Variants in SYNPR observed in about 807,000 individuals in gnomAD.
SYNPR encodes synaptoporin.
A neutral mutation model predicts 32.9 loss-of-function variants in SYNPR; 23 were observed. The observed-to-expected ratio is 0.70, with a 90% CI of 0.50 to 0.99. SYNPR has a LOEUF of 0.99. Among genes scored for constraint, SYNPR ranks in the 50% least tolerant of loss-of-function variants. SYNPR has a pLI of 0.00. For missense variants in SYNPR, 318 were observed against 349.3 expected (o/e 0.91, Z 0.71); for synonymous variants, 146 against 135.9 (o/e 1.07, Z -0.52).
intron 2 of SYNPR, among the ~76,000 whole-genome samples, chr3:63,255,436 G>T (rs1008498502): frequency 6.6e-6 from 1 of 152,082 alleles, no homozygotes; most frequent in East Asian, 1.9e-4. Flanking sequence ...TTATGCCAAG[G>T]TACTACACAA....
At chr3:63,237,172 T>G (rs2086206575) in intron 1 of SYNPR, among the ~76,000 whole-genome samples, 1 of 152,198 alleles carries the variant, frequency 6.6e-6, no homozygotes, top group South Asian at 2.1e-4. Context: ...CTTGTTGATA[T>G]GGCAATGTTG....
At chr3:63,551,785 T>G (rs954295040) in intron 3 of SYNPR, among the ~76,000 whole-genome samples, 1 of 152,164 alleles carries the variant, frequency 6.6e-6, no homozygotes, top group Non-Finnish European at 1.5e-5. Context: ...AGAAAACCCA[T>G]CCTTTCTCTC....
intron 2 of SYNPR, among the ~76,000 whole-genome samples, chr3:63,478,879 G>A (rs1301244968): frequency 6.6e-6 from 1 of 152,152 alleles, no homozygotes; most frequent in Non-Finnish European, 1.5e-5. Context: ...GACATCCAGT[G>A]TTGGCTGATG....
intron 2 of SYNPR, among the ~76,000 whole-genome samples, chr3:63,283,621 TTC>T (rs1042668532): frequency 1.9e-5 from 2 of 105,534 alleles, no homozygotes; most frequent in Non-Finnish European, 4.2e-5. Flanking sequence ...CCACAGATAA[TTC>T]TTTTTTTTTT....
intron 2 of SYNPR, among the ~76,000 whole-genome samples, chr3:63,264,226 G>A (rs1020623830): frequency 5.3e-5 from 8 of 152,066 alleles, no homozygotes; most frequent in Admixed American, 1.3e-4. Context: ...CATACATTGA[G>A]AAAAATATAG....
At chr3:63,335,347 C>T (rs11716416) in intron 2 of SYNPR, among the ~76,000 whole-genome samples, 14,528 of 119,762 alleles carry the variant, frequency 0.12, 1,027 homozygotes, top group Middle Eastern at 0.18. Flanking sequence ...AGCGAGACTC[C>T]GTCTCAAAAA....
At chr3:63,372,493 TGCA>T (rs1228382761) in intron 2 of SYNPR, among the ~76,000 whole-genome samples, 4 of 152,234 alleles carry the variant, frequency 2.6e-5, no homozygotes, top group Non-Finnish European at 5.9e-5. Context: ...TCCAGCAAGC[TGCA>T]GTTGTCCTAA....
intron 2 of SYNPR, chr3:63,451,939 C>G (rs2107176674): frequency 3.5e-6 from 2 of 575,054 alleles, no homozygotes; most frequent in Middle Eastern, 2.6e-4. Flanking sequence ...CTCAGCTCAC[C>G]TCTTCACTCT....
chr3:63,245,735 G>A (rs921170104), intron 1 of SYNPR, among the ~76,000 whole-genome samples: 7,142 of 92,514 alleles, frequency 0.077, 143 homozygotes, highest in Middle Eastern at 0.16. Flanking sequence ...GTGTGTGTGT[G>A]TGTGTATGTG....
intron 4 of SYNPR, among the ~76,000 whole-genome samples, chr3:63,570,126 G>C (rs752737235): frequency 3.9e-5 from 6 of 152,148 alleles, no homozygotes; most frequent in Non-Finnish European, 7.3e-5. Context: ...TTGTGTTCCT[G>C]ATTAGAAGAT....
chr3:63,554,152 G>T (rs1423035050), intron 3 of SYNPR, among the ~76,000 whole-genome samples: 7 of 152,162 alleles, frequency 4.6e-5, no homozygotes, highest in Non-Finnish European at 1.5e-5. Flanking sequence ...TACATAATTT[G>T]TGAATATTTT....
chr3:63,256,036 T>A (rs931532048), intron 2 of SYNPR, among the ~76,000 whole-genome samples: 4 of 152,180 alleles, frequency 2.6e-5, no homozygotes, highest in African/African-American at 9.6e-5. Context: ...GCGCCCGCCA[T>A]TGCCAAGGCT....
At chr3:63,489,553 T>C (rs1172281706) in intron 3 of SYNPR, among the ~76,000 whole-genome samples, 1 of 152,200 alleles carries the variant, frequency 6.6e-6, no homozygotes, top group Non-Finnish European at 1.5e-5. Context: ...TTAATTATTC[T>C]TATTAATTTT....
At chr3:63,312,712 C>G (rs1475031653) in intron 2 of SYNPR, among the ~76,000 whole-genome samples, 4 of 151,914 alleles carry the variant, frequency 2.6e-5, no homozygotes, top group Admixed American at 2.0e-4. Flanking sequence ...GGATCCCTGC[C>G]TCTTCCATGG....
At chr3:63,280,725 G>GGTGTGT (rs144039056) in intron 2 of SYNPR, among the ~76,000 whole-genome samples, 1 of 149,896 alleles carries the variant, frequency 6.7e-6, no homozygotes, top group Non-Finnish European at 1.5e-5. Context: ...TTGGGGGAGG[G>GGTGTGT]GTGTGTGTGT....
chr3:63,298,254 T>A (rs2106938385), intron 2 of SYNPR, among the ~76,000 whole-genome samples: 1 of 152,236 alleles, frequency 6.6e-6, no homozygotes, highest in East Asian at 1.9e-4. Context: ...GTCAGTTAGG[T>A]TAGATTTATC....
intron 2 of SYNPR, among the ~76,000 whole-genome samples, chr3:63,288,276 T>G (rs2106927058): frequency 6.6e-6 from 1 of 152,338 alleles, no homozygotes; most frequent in Non-Finnish European, 1.5e-5. Context: ...TTGTCTCTTC[T>G]TTCAGCTGGA....
chr3:63,262,257 G>A (rs950848360), intron 2 of SYNPR, among the ~76,000 whole-genome samples: 5 of 152,132 alleles, frequency 3.3e-5, no homozygotes, highest in African/African-American at 7.2e-5. Context: ...AGAAATAGGT[G>A]GAAAAGCAAA....
chr3:63,302,260 A>T (rs2086865648), intron 2 of SYNPR, among the ~76,000 whole-genome samples: 1 of 152,016 alleles, frequency 6.6e-6, no homozygotes, highest in Admixed American at 6.6e-5. Flanking sequence ...TTGTTTCCCG[A>T]TATAAACTAG....
Sources: allele counts gnomAD v4.1 joint callset (sites outside exome capture counted in the v4.1 genomes callset), GRCh38; gene constraint gnomAD v4.1.1; transcripts MANE v1.5; gene names NCBI Gene and HGNC (gene_info 2026-07-23, HGNC 2026-07-21).